Variants in NUP214 observed in about 807,000 individuals in gnomAD.
NUP214 encodes the protein nuclear pore complex protein Nup214.
Under a neutral mutation model 196.2 loss-of-function variants are expected in NUP214, and 79 were observed. The observed-to-expected ratio is 0.40, with a 90% CI of 0.34 to 0.49. The LOEUF is 0.49. Among genes scored for constraint, NUP214 ranks in the 20% least tolerant of loss-of-function variants. The pLI is 0.58. For missense variants in NUP214, 2,468 were observed against 2,539.0 expected, an observed-to-expected ratio of 0.97 and a Z score of 0.60; for synonymous variants, 1,020 against 990.5, an observed-to-expected ratio of 1.03 and a Z score of -0.56.
intron 4 of NUP214, among the ~76,000 whole-genome samples, chr9:131,130,137 G>GTTTTTTTTTTTTGTTTTTTT (rs1831492300): frequency 1.3e-5 from 1 of 76,894 alleles, no homozygotes; most frequent in Non-Finnish European, 2.3e-5. Flanking sequence ...TTCTGGTTTT[G>GTTTTTTTTTTTTGTTTTTTT]TTTTTTTTTT....
intron 14 of NUP214, 144 bp downstream of exon 14, chr9:131,147,728 G>A (rs765760821): frequency 7.6e-6 from 5 of 655,066 alleles, no homozygotes; most frequent in East Asian, 2.7e-5. Context: ...ACCAAAGTGC[G>A]AGGTTTGAAT....
intron 26 of NUP214, chr9:131,190,763 G>A (rs1205232434): frequency 3.6e-6 from 1 of 280,806 alleles, no homozygotes; most frequent in Non-Finnish European, 6.6e-6. Flanking sequence ...TATATCTCTT[G>A]AGGTTACTTC....
intron 17 of NUP214, 150 bp from the exon 18 acceptor site, chr9:131,159,233 T>C: frequency 1.6e-6 from 1 of 635,096 alleles, no homozygotes; most frequent in Non-Finnish European, 2.7e-6. Context: ...TTATATAGTT[T>C]TAAAAATCGT....
chr9:131,126,299 A>C (rs1245238947), intron 1 of NUP214: 1 of 153,922 alleles, frequency 6.5e-6, no homozygotes, highest in Non-Finnish European at 1.5e-5. Flanking sequence ...ATATCAGCCT[A>C]AAGTCAGGAA....
intron 5 of NUP214, 130 bp downstream of exon 5, chr9:131,130,966 A>T: frequency 1.5e-6 from 1 of 686,298 alleles, no homozygotes; most frequent in Non-Finnish European, 2.5e-6. Flanking sequence ...CCATCAGTGA[A>T]TGAAGAGTGG....
intron 11 of NUP214, chr9:131,141,726 G>C (rs1457763132): frequency 6.6e-6 from 1 of 152,110 alleles, no homozygotes; most frequent in East Asian, 1.9e-4. Context: ...TGATTCTTCT[G>C]CTTCAGCCTC....
At chr9:131,214,575 A>G (rs1834340234) in intron 30 of NUP214, among the ~76,000 whole-genome samples, 1 of 152,196 alleles carries the variant, frequency 6.6e-6, no homozygotes, top group South Asian at 2.1e-4. Flanking sequence ...CTTCCAGAGA[A>G]GTTAAGTGTC....
intron 32 of NUP214, among the ~76,000 whole-genome samples, chr9:131,226,213 G>A (rs955750668): frequency 3.9e-5 from 6 of 152,166 alleles, no homozygotes; most frequent in Non-Finnish European, 7.3e-5. Flanking sequence ...CTGGCATATA[G>A]TGGGCCCTCA....
chr9:131,178,304 A>G lies in NUP214; in HGVS notation c.3320-7A>G. 2 of 1,603,790 alleles carry G rather than the reference A, an allele frequency of 1.2e-6. No homozygotes were observed. Among genetic ancestry groups the G allele is most frequent in the Non-Finnish European group, 1.7e-6 (2 of 1,170,760 alleles). On this transcript the variant is annotated splice_region_variant and splice_polypyrimidine_tract_variant and intron_variant, in intron 23 of 35. Coordinates refer to ENST00000359428, the MANE Select transcript of NUP214 (RefSeq NM_005085.4). ...ATATGGTGTTCTCTCTTCTCTGTTT[A>G]AATTAGCTGTAAACACTTTGACTGA...
At chr9:131,151,986 C>A in intron 17 of NUP214, 92 bp downstream of exon 17, 1 of 1,007,872 alleles carries the variant, frequency 9.9e-7, no homozygotes, top group Non-Finnish European at 1.4e-6. Flanking sequence ...TGGATGATGG[C>A]TCTTTTTGAA....
At position 131,196,025 on chromosome 9, in the gene NUP214, T is replaced by TCCCTCTCCCCCCCC. The variant is rs1554737949; in HGVS notation, c.3721+734_3721+735insTCTCCCCCCCCCCC. ...GGCAACAAGAGTGAAACTCTGTGTGTCCCCCCCCCCCCCCGCGCCAAAAAA... is the reference window on the plus strand; with the variant it reads ...GGCAACAAGAGTGAAACTCTGTGTGTCCCTCTCCCCCCCCCCCCCCCCCCCCCCGCGCCAAAAAA... On this transcript the variant is annotated intron_variant, in intron 28 of 35. Coordinates refer to ENST00000359428, the MANE Select transcript of NUP214 (RefSeq NM_005085.4). Among the ~76,000 whole-genome samples the TCCCTCTCCCCCCCC allele has an allele frequency of 8.2e-4, 3 of 3,664 alleles. 1 individual carries two copies. The highest frequency in any genetic ancestry group is 1.3e-3 in the Non-Finnish European group (2 of 1,586). The allele number at this position is 3,664 out of a possible 152,430, so 2.4% of individuals were successfully genotyped here.
rs1426942013 is a variant in NUP214, at chr9:131,178,388, G to GC, written c.3398dup (p.Thr1134AsnfsTer28). ...TGTGCAGGAATTGAAGAATAACCCT[G>GC]CAACCCCTTCTACAGCCATGGGGTA... On this transcript the variant is annotated frameshift_variant, in exon 24 of 36. Transcript: ENST00000359428. LOFTEE classifies it high-confidence loss of function. 1 of 1,613,420 alleles carries GC rather than the reference G, an allele frequency of 6.2e-7. No individual in the cohort carries two copies. Among genetic ancestry groups the GC allele is most frequent in the Non-Finnish European group, 8.5e-7 (1 of 1,179,562 alleles).
Position 131,127,800 on chromosome 9 carries a change from C to G in NUP214, c.241+81C>G, listed in dbSNP as rs1831408715. The G allele has an allele frequency of 8.7e-6, 9 of 1,040,032 alleles. No individual in the cohort carries two copies. In the South Asian group the frequency reaches 9.0e-5, roughly 10 times the overall value. The allele number at this position is 1,040,032 out of a possible 1,614,324, so 64.4% of individuals were successfully genotyped here. On this transcript the variant is annotated intron_variant, in intron 2 of 35. Coordinates refer to ENST00000359428, the MANE Select transcript of NUP214 (RefSeq NM_005085.4). Reference sequence around the variant, plus strand: ...TGTGTTTCCTTCCCAAGAAGTCATTCTAATACTAAAATGAACACTGCTGTC... The same window carrying G: ...TGTGTTTCCTTCCCAAGAAGTCATTGTAATACTAAAATGAACACTGCTGTC...
At chr9:131,219,799 A>G (rs1834508577) in intron 31 of NUP214, among the ~76,000 whole-genome samples, 1 of 152,224 alleles carries the variant, frequency 6.6e-6, no homozygotes, top group Admixed American at 6.5e-5. Flanking sequence ...GTGGGTTTAC[A>G]GGGTCCCTCT....
chr9:131,218,017 A>G (rs1834450702), intron 31 of NUP214, among the ~76,000 whole-genome samples: 2 of 152,348 alleles, frequency 1.3e-5, no homozygotes, highest in Non-Finnish European at 2.9e-5. Context: ...CAGCCTGTCA[A>G]ACATTACTGG....
At chr9:131,209,432 C>T (rs1834175227) in intron 30 of NUP214, among the ~76,000 whole-genome samples, 1 of 152,164 alleles carries the variant, frequency 6.6e-6, no homozygotes, top group Non-Finnish European at 1.5e-5. Context: ...GCTCTGTCGC[C>T]CATGCTGGAG....
chr9:131,198,697 T>A lies in NUP214; in HGVS notation c.5203T>A (p.Ser1735Thr), dbSNP rs201371581. Residue 1735 changes from serine (S) to threonine (T), a missense_variant, in exon 29 of 36, where the codon TCG becomes ACG. Around this residue, in one of 5 missense-constraint regions of NUP214, gnomAD observed 1,801 missense variants for 1,779.4 expected, o/e 1.01. Transcript: ENST00000359428. ...CGGGCAGGCCTCAGTCTTTGGGCAGTCGGCGAGCAGTGCTGCAAGTGTCTT... is the reference window on the plus strand; with the variant it reads ...CGGGCAGGCCTCAGTCTTTGGGCAGACGGCGAGCAGTGCTGCAAGTGTCTT... ...TFGQASVFGQ[S>T]ASSAASVFSF... 13 of 1,614,074 alleles carry A rather than the reference T, an allele frequency of 8.1e-6. No homozygotes were observed. Among genetic ancestry groups the A allele is most frequent in the Non-Finnish European group, 1.0e-5 (12 of 1,180,032 alleles).
rs766126920 is a variant in NUP214, at chr9:131,151,802, G to A, written c.2344G>A (p.Ala782Thr). The change falls in exon 17 of 36, where the codon GCC becomes ACC. Residue 782 changes from alanine (A) to threonine (T), a missense_variant. By Grantham distance (58) the Ala-to-Thr change is moderately conservative (BLOSUM62 0). This residue lies in a region of NUP214 where 1,801 missense variants were observed against 1,779.4 expected (regional missense o/e 1.01). Transcript: ENST00000359428. Reference protein sequence around the residue: ...LLEGFAGVEEAREQNERNRDS... With the variant: ...LLEGFAGVEETREQNERNRDS... The stretch of plus-strand genomic sequence containing the variant: ...TGAGGGCTTTGCTGGTGTTGAGGAA[G>A]CCAGAGAACAAAATGAAAGAAATCG... 6.2e-7 allele frequency: 1 copy of A among 1,613,650 alleles called. No homozygotes were observed. Among genetic ancestry groups the A allele is most frequent in the Non-Finnish European group, 8.5e-7 (1 of 1,179,850 alleles).
rs773607821 is a variant in NUP214, at chr9:131,132,656, A to G, written c.724A>G (p.Arg242Gly). Residue 242 changes from arginine (R) to glycine (G), a missense_variant, in exon 6 of 36, where the codon AGA (arginine) becomes GGA (glycine). Coordinates refer to ENST00000359428, the MANE Select transcript of NUP214 (RefSeq NM_005085.4). ...GTTTTATGAGTCAGATCATCCTGTC[A>G]GAGGTAACAACTGCTTTTCTTATTG... ...PPFYESDHPVRVLDVLWIGTY... is the reference protein window; with the variant it reads ...PPFYESDHPVGVLDVLWIGTY... The G allele has an allele frequency of 5.0e-6, 8 of 1,613,772 alleles. No individual in the cohort carries two copies. The East Asian group carries it at 1.8e-4, about 36-fold the overall frequency.
Sources: gnomAD v4.1 joint callset for allele counts (sites outside exome capture counted in the v4.1 genomes callset) on GRCh38, gnomAD v4.1.1 for gene constraint, gnomAD v4.1.1 regional missense constraint, MANE v1.5 for transcripts, NCBI Gene and HGNC (gene_info 2026-07-23, HGNC 2026-07-21) for gene names.